The following THRB variants were observed in gnomAD, a reference collection of about 807,000 sequenced individuals.
THRB encodes the protein thyroid hormone receptor beta, also known as nuclear receptor subfamily 1 group A member 2.
A neutral mutation model predicts 47.8 loss-of-function variants in THRB; 12 were observed. The ratio of observed to expected loss-of-function variants is 0.25; its 90% CI spans 0.16 to 0.41. The LOEUF is 0.41. THRB is among the 10% of genes least tolerant of loss of function. The probability of loss-of-function intolerance (pLI) is 1.00; values close to 1 mark genes in which losing one functional copy is unlikely to be tolerated. For missense variants in THRB, 348 were observed against 589.2 expected (o/e 0.59, Z 4.24); for synonymous variants, 218 against 212.2 (o/e 1.03, Z -0.24).
intron 1 of THRB, among the ~76,000 whole-genome samples, chr3:24,418,026 C>T (rs1321532629): frequency 1.3e-5 from 2 of 151,764 alleles, no homozygotes; most frequent in African/African-American, 2.4e-5. Flanking sequence ...GTTGGAGTAC[C>T]TCTTCTAAGG....
chr3:24,375,291 G>A (rs1261784373), intron 1 of THRB, among the ~76,000 whole-genome samples: 1 of 146,694 alleles, frequency 6.8e-6, no homozygotes, highest in Admixed American at 6.9e-5. Flanking sequence ...TTAATATAAT[G>A]TTTAGAAATA....
At chr3:24,396,564 T>C (rs978353459) in intron 1 of THRB, among the ~76,000 whole-genome samples, 1 of 152,102 alleles carries the variant, frequency 6.6e-6, no homozygotes, top group Non-Finnish European at 1.5e-5. Context: ...CCAACACTTG[T>C]GAGAAGACAC....
intron 4 of THRB, among the ~76,000 whole-genome samples, chr3:24,223,723 G>T (rs1003700292): frequency 2.6e-5 from 4 of 151,976 alleles, no homozygotes; most frequent in Non-Finnish European, 5.9e-5. Context: ...TAAACAAAAA[G>T]AAGAGATATG....
intron 2 of THRB, among the ~76,000 whole-genome samples, chr3:24,316,455 C>A (rs979420367): frequency 8.6e-5 from 13 of 151,674 alleles, no homozygotes; most frequent in Non-Finnish European, 1.9e-4. Flanking sequence ...CCCTCTCCCC[C>A]TTTTTTCTTC....
intron 1 of THRB, among the ~76,000 whole-genome samples, chr3:24,477,480 G>C (rs1695661069): frequency 6.6e-6 from 1 of 152,164 alleles, no homozygotes; most frequent in Admixed American, 6.5e-5. Context: ...CCCGGGTTCA[G>C]CAGGTCTGGG....
chr3:24,275,754 A>T (rs979761175), intron 3 of THRB, among the ~76,000 whole-genome samples: 3 of 152,202 alleles, frequency 2.0e-5, no homozygotes, highest in Non-Finnish European at 4.4e-5. Flanking sequence ...AGTGAAATGC[A>T]TTGGCTCTCA....
intron 3 of THRB, among the ~76,000 whole-genome samples, chr3:24,262,203 G>C (rs2052131250): frequency 6.6e-6 from 1 of 152,114 alleles, no homozygotes; most frequent in South Asian, 2.1e-4. Context: ...CACTATAAAT[G>C]ATGATTCTAA....
intron 2 of THRB, among the ~76,000 whole-genome samples, chr3:24,317,883 C>T (rs1428759078): frequency 6.6e-6 from 1 of 152,008 alleles, no homozygotes. Flanking sequence ...ATGGCAAAAC[C>T]TCATCTCTAC....
At chr3:24,195,164 AT>A (rs946361177) in intron 4 of THRB, among the ~76,000 whole-genome samples, 1 of 151,534 alleles carries the variant, frequency 6.6e-6, no homozygotes, top group African/African-American at 2.4e-5. Flanking sequence ...GCCTCAACTG[AT>A]TTTTTTTTAG....
chr3:24,126,257 G>T (rs1020306436), intron 10 of THRB, among the ~76,000 whole-genome samples: 1 of 151,974 alleles, frequency 6.6e-6, no homozygotes, highest in South Asian at 2.1e-4. Context: ...TTAGCCAGGG[G>T]TGGTGGCGTG....
chr3:24,192,962 C>T (rs1250176443), intron 4 of THRB, among the ~76,000 whole-genome samples: 1 of 152,150 alleles, frequency 6.6e-6, no homozygotes, highest in Non-Finnish European at 1.5e-5. Flanking sequence ...GAAAACTCAA[C>T]AGGAATTTAT....
intron 1 of THRB, among the ~76,000 whole-genome samples, chr3:24,450,171 A>C (rs962014655): frequency 6.6e-6 from 1 of 152,204 alleles, no homozygotes; most frequent in Non-Finnish European, 1.5e-5. Context: ...TAAGAAAGAA[A>C]ACTTCCACAG....
chr3:24,175,083 C>T (rs982353734), intron 5 of THRB, among the ~76,000 whole-genome samples: 4 of 152,192 alleles, frequency 2.6e-5, no homozygotes, highest in African/African-American at 9.7e-5. Context: ...TCATGTCAGA[C>T]AAGGGAATTT....
Position 24,190,260 on chromosome 3 carries a change from A to T in THRB, c.97T>A (p.Ser33Thr), listed in dbSNP as rs116576135. 19 of 1,614,008 alleles carry T rather than the reference A, an allele frequency of 1.2e-5. No individual in the cohort carries two copies. Among genetic ancestry groups the T allele is most frequent in the Non-Finnish European group, 1.5e-5 (18 of 1,179,950 alleles). The change falls in exon 5 of 11, where the codon TCT becomes ACT. Residue 33 changes from serine (S) to threonine (T), a missense_variant. Transcript: ENST00000646209. ...REHDWKLVGM[S>T]EACLHRKSHS... ...CTCTTCCTATGTAGGCAGGCTTCAG[A>T]CATTCCTACTAGCTTCCAGTCGTGT... is the stretch of plus-strand genomic sequence containing the variant.
chr3:24,193,036 A>G (rs543753464), intron 4 of THRB, among the ~76,000 whole-genome samples: 82 of 152,286 alleles, frequency 5.4e-4, no homozygotes, highest in Admixed American at 1.4e-3. Flanking sequence ...TTCCTATGCC[A>G]TTCCCAAGGA....
At chr3:24,176,820 A>T (rs758157915) in intron 5 of THRB, among the ~76,000 whole-genome samples, 1 of 152,170 alleles carries the variant, frequency 6.6e-6, no homozygotes, top group Non-Finnish European at 1.5e-5. Flanking sequence ...TAAACGACTC[A>T]AAGTTTCTTT....
chr3:24,295,438 T>G lies in THRB; in HGVS notation c.-43+1788A>C, dbSNP rs80029428. On this transcript the variant is annotated intron_variant, in intron 3 of 10. Coordinates refer to ENST00000646209, the MANE Select transcript of THRB (RefSeq NM_001354712.2). The stretch of plus-strand genomic sequence containing the variant: ...TTGATTAGTATGCAACTGCTTCACC[T>G]GACATTAAATTGAGTGATTGAATGG... Among the ~76,000 whole-genome samples, 517 of 152,354 alleles carry G rather than the reference T, an allele frequency of 3.4e-3. 16 individuals are homozygous for G. The East Asian group carries it at 0.05, about 15-fold the overall frequency.
intron 1 of THRB, among the ~76,000 whole-genome samples, chr3:24,341,084 T>C (rs1261071311): frequency 6.6e-6 from 1 of 151,970 alleles, no homozygotes; most frequent in Admixed American, 6.6e-5. Context: ...ACAAATTCTT[T>C]TTCTTTTGGC....
chr3:24,468,122 G>T (rs1257108616), intron 1 of THRB, among the ~76,000 whole-genome samples: 1 of 152,130 alleles, frequency 6.6e-6, no homozygotes, highest in African/African-American at 2.4e-5. Context: ...AAAACCTCAG[G>T]AACCAACCTC....
Sources: allele counts gnomAD v4.1 joint callset (sites outside exome capture counted in the v4.1 genomes callset), GRCh38; gene constraint gnomAD v4.1.1; transcripts MANE v1.5; gene names NCBI Gene and HGNC (gene_info 2026-07-23, HGNC 2026-07-21).